The following SLC6A18 variants were observed in gnomAD, a reference collection of about 807,000 sequenced individuals.
SLC6A18 encodes solute carrier family 6 member 18, also known as inactive sodium-dependent neutral amino acid transporter B(0)AT3.
In SLC6A18, 58 loss-of-function variants were observed where a neutral mutation model predicts 62.9. The ratio of observed to expected loss-of-function variants is 0.92; its 90% CI spans 0.75 to 1.15. The LOEUF (loss-of-function observed/expected upper bound fraction) is 1.15. Among genes scored for constraint, SLC6A18 ranks in the 50% most tolerant of loss-of-function variants. SLC6A18 has a pLI of 0.00. For missense variants in SLC6A18, 793 were observed against 836.6 expected (o/e 0.95, Z 0.64); for synonymous variants, 382 against 365.8 (o/e 1.04, Z -0.51).
chr5:1,227,085 GACGCCTTGCCCGC>G (rs1746601083), intron 1 of SLC6A18, among the ~76,000 whole-genome samples: 3 of 93,960 alleles, frequency 3.2e-5, no homozygotes, highest in African/African-American at 1.1e-4. Context: ...CTTGCCCGCC[GACGCCTTGCCCGC>G]CGACGCCTTG....
chr5:1,245,441 G>A (rs1747192878), intron 11 of SLC6A18, among the ~76,000 whole-genome samples: 1 of 152,162 alleles, frequency 6.6e-6, no homozygotes, highest in Admixed American at 6.5e-5. Flanking sequence ...GAACACCAAG[G>A]GCAGGTGAAG....
chr5:1,236,136 T>G (rs1407547465), intron 4 of SLC6A18, among the ~76,000 whole-genome samples: 3 of 152,012 alleles, frequency 2.0e-5, no homozygotes, highest in Non-Finnish European at 4.4e-5. Flanking sequence ...CATCTGTTTT[T>G]TTTTATTCTT....
chr5:1,244,824 C>CA, intron 11 of SLC6A18, 57 bp downstream of exon 11: 1 of 1,537,988 alleles, frequency 6.5e-7, no homozygotes, highest in Non-Finnish European at 8.8e-7. Flanking sequence ...CTTGGTCTGG[C>CA]CCCTACGGTG....
chr5:1,239,266 G>A (rs567013861), intron 5 of SLC6A18, among the ~76,000 whole-genome samples, 184 bp from the exon 6 acceptor site: 62 of 152,346 alleles, frequency 4.1e-4, no homozygotes, highest in Non-Finnish European at 2.4e-4. Flanking sequence ...GGCATTTGCC[G>A]TGTACAGAGC....
intron 1 of SLC6A18, among the ~76,000 whole-genome samples, chr5:1,226,157 C>A (rs1458970757): frequency 6.6e-6 from 1 of 152,148 alleles, no homozygotes; most frequent in Non-Finnish European, 1.5e-5. Context: ...GTGGGGGGTG[C>A]CAGGATGTTC....
At position 1,243,906 on chromosome 5, in the gene SLC6A18, C is replaced by A. The variant is rs1747139057; in HGVS notation, c.1336+147C>A. On this transcript the variant is annotated intron_variant, in intron 9 of 11. Transcript: ENST00000324642. This position sits in a 1 kb window ranked among gnomAD's most constrained non-coding sequence, Gnocchi z 6.5. ...AAAGGCTGAGCCAGGCTACTCCTTG[C>A]TGACAGCCATCAACGGAGAGCCGAG... 1 of 867,546 alleles carries A rather than the reference C, an allele frequency of 1.2e-6. No homozygotes were observed. The highest frequency in any genetic ancestry group is 1.7e-6 in the Non-Finnish European group (1 of 581,584). The allele number at this position is 867,546 out of a possible 1,614,324, so 53.7% of individuals were successfully genotyped here.
intron 5 of SLC6A18, 46 bp downstream of exon 5, chr5:1,238,106 T>G (rs781558426): frequency 6.9e-7 from 1 of 1,454,616 alleles, no homozygotes; most frequent in South Asian, 1.1e-5. Flanking sequence ...GCACACACAT[T>G]TCAGGGCTGT....
chr5:1,232,870 C>A lies in SLC6A18; in HGVS notation c.421C>A (p.Pro141Thr). 6.2e-7 allele frequency: 1 copy of A among 1,612,456 alleles called. No homozygotes were observed. Residue 141 changes from proline (P) to threonine (T), a missense_variant, in exon 3 of 12, where the codon CCG becomes ACG. Transcript: ENST00000324642. ...QHPLPWSSCP[P>T]DLNRTGFVEE... Reference sequence around the variant, plus strand: ...CCCGCTGCCCTGGAGCTCCTGCCCACCGGACCTCAACAGAACAGGTGAGCT... The same window carrying A: ...CCCGCTGCCCTGGAGCTCCTGCCCAACGGACCTCAACAGAACAGGTGAGCT...
chr5:1,226,416 G>A (rs961989801), intron 1 of SLC6A18, among the ~76,000 whole-genome samples: 2 of 152,184 alleles, frequency 1.3e-5, no homozygotes, highest in African/African-American at 4.8e-5. Flanking sequence ...ACACGGGCAG[G>A]GGCTTCCCAG....
At chr5:1,227,010 C>CCCA (rs1746594766) in intron 1 of SLC6A18, among the ~76,000 whole-genome samples, 3 of 146,874 alleles carry the variant, frequency 2.0e-5, no homozygotes, top group Admixed American at 1.3e-4. Context: ...CGATGCCTTG[C>CCCA]CCGCCGACGC....
At chr5:1,235,716 C>T in intron 4 of SLC6A18, 54 bp downstream of exon 4, 5 of 1,577,966 alleles carry the variant, frequency 3.2e-6, no homozygotes, top group Non-Finnish European at 4.3e-6. Context: ...CCCCCAAGAC[C>T]CCTCCCCATT....
At position 1,246,148 on chromosome 5, in the gene SLC6A18, G is replaced by GCCCCCA. The variant is rs1747219875; in HGVS notation, c.*73_*74insCCACCC. 2.8e-6 allele frequency: 4 copies of GCCCCCA among 1,426,834 alleles called. No homozygotes were observed. The highest frequency in any genetic ancestry group is 3.7e-6 in the Non-Finnish European group (4 of 1,088,856). The allele number at this position is 1,426,834 out of a possible 1,614,324, so 88.4% of individuals were successfully genotyped here. ...TTGGCCTGATGGTGGGCGGGGCCCC[G>GCCCCCA]CCCACAGGGCCGACCCCAATACACC... is the stretch of plus-strand genomic sequence containing the variant. On this transcript the variant is annotated 3_prime_UTR_variant, in exon 12 of 12. Transcript: ENST00000324642.
intron 9 of SLC6A18, 36 bp from the exon 10 acceptor site, chr5:1,244,178 C>CCA: frequency 2.0e-5 from 12 of 593,856 alleles, no homozygotes; most frequent in Non-Finnish European, 2.8e-5. Flanking sequence ...CACTCCCCAT[C>CCA]CCCTTACCCC....
intron 2 of SLC6A18, among the ~76,000 whole-genome samples, 161 bp downstream of exon 2, chr5:1,232,520 G>T (rs941492200): frequency 4.6e-5 from 7 of 152,204 alleles, no homozygotes; most frequent in Admixed American, 2.0e-4. Flanking sequence ...GTGAGAAGCA[G>T]CGGTGACTCG....
At chr5:1,240,979 C>T (rs536825235) in intron 7 of SLC6A18, among the ~76,000 whole-genome samples, 2 of 152,240 alleles carry the variant, frequency 1.3e-5, no homozygotes, top group Admixed American at 1.3e-4. Flanking sequence ...AGGCAGAGGT[C>T]GCAGCGCTTG....
At chr5:1,231,990 C>T (rs1457852816) in intron 1 of SLC6A18, among the ~76,000 whole-genome samples, 2 of 152,210 alleles carry the variant, frequency 1.3e-5, no homozygotes, top group Non-Finnish European at 2.9e-5. Context: ...CCCCTGCTCC[C>T]CTCCAGGGCC....
At position 1,225,987 on chromosome 5, in the gene SLC6A18, T is replaced by C. The variant is rs533802698; in HGVS notation, c.160+350T>C. 2.6e-5 allele frequency among the ~76,000 whole-genome samples: 4 copies of C among 152,228 alleles called. No individual in the cohort carries two copies. The South Asian group carries it at 8.3e-4, about 32-fold the overall frequency. On this transcript the variant is annotated intron_variant, in intron 1 of 11. Coordinates refer to ENST00000324642, the MANE Select transcript of SLC6A18 (RefSeq NM_182632.3). ...AACAGTGAGCGCTCTTCCATCTGAA[T>C]GTCGTCAGTTCTTTAAAGAACACAC...
rs754013911 is a variant in SLC6A18 at position 1,225,645 on chromosome 5, C to A, written c.160+8C>A. ...GCCAGACCTATGGAGGAGGTAAGCA[C>A]CCACCTGCGTCCTGGGGCAGACCCC... On this transcript the variant is annotated splice_region_variant and intron_variant, in intron 1 of 11. Transcript: ENST00000324642. The A allele has an allele frequency of 3.2e-6, 5 of 1,559,752 alleles. No homozygotes were observed. Among genetic ancestry groups the A allele is most frequent in the Non-Finnish European group, 4.3e-6 (5 of 1,151,878 alleles).
At chr5:1,234,463 C>T (rs1006678199) in intron 3 of SLC6A18, among the ~76,000 whole-genome samples, 2 of 152,358 alleles carry the variant, frequency 1.3e-5, no homozygotes, top group African/African-American at 4.8e-5. Flanking sequence ...AGGCTATCTG[C>T]AGCCCGAGTT....
Sources: gnomAD v4.1 joint callset for allele counts (sites outside exome capture counted in the v4.1 genomes callset) on GRCh38, gnomAD v4.1.1 for gene constraint, Gnocchi (gnomAD v3.1) non-coding constraint, MANE v1.5 for transcripts, NCBI Gene and HGNC (gene_info 2026-07-23, HGNC 2026-07-21) for gene names.